The following CRISP2 variants were observed in gnomAD, a reference collection of about 807,000 sequenced individuals.
CRISP2 encodes the protein cysteine-rich secretory protein 2.
In CRISP2, 29 loss-of-function variants were observed where a neutral mutation model predicts 31.7. That is an observed-to-expected ratio of 0.92 (90% CI 0.68 to 1.25). The LOEUF (loss-of-function observed/expected upper bound fraction) is 1.25, where lower values mean the gene tolerates loss of function less well. Among genes scored for constraint, CRISP2 ranks in the 50% most tolerant of loss-of-function variants. CRISP2 has a pLI of 0.00. For synonymous variants in CRISP2, 111 were observed against 101.4 expected, an observed-to-expected ratio of 1.09 and a Z score of -0.57; for missense variants, 318 against 286.5, an observed-to-expected ratio of 1.11 and a Z score of -0.79.
At chr6:49,685,262 C>A in the CRISP2 span, among the ~76,000 whole-genome samples, 18 of 152,206 alleles carry the variant, frequency 1.2e-4, no homozygotes, top group African/African-American at 4.3e-4. Flanking sequence ...GACAGCATTT[C>A]CGCCCTTTGG....
chr6:49,697,591 C>G, intron 8 of CRISP2: 1 of 677,154 alleles, frequency 1.5e-6, no homozygotes, highest in Non-Finnish European at 2.3e-6. Context: ...CACATGCTCA[C>G]AGAGTAACCC....
At position 49,692,677 on chromosome 6, in the gene CRISP2, A is replaced by G; in HGVS notation, c.*96T>C. ...AAGATGCATTGCTCTTTGAAATCAAATTTGTCACTAACATACATACAATTT... is the reference window on the plus strand; with the variant it reads ...AAGATGCATTGCTCTTTGAAATCAAGTTTGTCACTAACATACATACAATTT... On this transcript the variant is annotated 3_prime_UTR_variant, in exon 10 of 10. Transcript: ENST00000339139. The G allele has an allele frequency of 6.5e-6, 8 of 1,229,920 alleles. No homozygotes were observed. The South Asian group carries it at 1.5e-4, about 24-fold the overall frequency. The allele number at this position is 1,229,920 out of a possible 1,614,324, so 76.2% of individuals were successfully genotyped here.
At chr6:49,702,136 GTAC>G (rs1281082394) in intron 4 of CRISP2, among the ~76,000 whole-genome samples, 4 of 346 alleles carry the variant, frequency 0.012, no homozygotes, top group African/African-American at 0.012. Context: ...ATATATATGT[GTAC>G]TATATATATA....
At chr6:49,677,799 C>A in the CRISP2 span, among the ~76,000 whole-genome samples, 1 of 151,934 alleles carries the variant, frequency 6.6e-6, no homozygotes, top group Non-Finnish European at 1.5e-5. Context: ...CTAGGGAAAG[C>A]CTGAAAGACA....
At chr6:49,709,636 C>T (rs75122057) in intron 3 of CRISP2, among the ~76,000 whole-genome samples, 8 of 152,210 alleles carry the variant, frequency 5.3e-5, no homozygotes, top group East Asian at 3.9e-4. Flanking sequence ...AAAAGTAAAA[C>T]GGTTTGTCCT....
intron 2 of CRISP2, 129 bp from the exon 3 acceptor site, chr6:49,711,450 G>A (rs1306868044): frequency 1.3e-5 from 2 of 152,152 alleles, no homozygotes; most frequent in Admixed American, 6.6e-5. Flanking sequence ...TTTCATACCA[G>A]TAACCTTAAA....
chr6:49,689,659 TA>T (rs569012143), downstream of CRISP2, among the ~76,000 whole-genome samples: 20 of 152,152 alleles, frequency 1.3e-4, no homozygotes, highest in Non-Finnish European at 2.5e-4. Context: ...TTTACATTTT[TA>T]GGAATAAGTT....
At chr6:49,702,705 T>C (rs899667211) in intron 4 of CRISP2, among the ~76,000 whole-genome samples, 1 of 152,142 alleles carries the variant, frequency 6.6e-6, no homozygotes, top group African/African-American at 2.4e-5. Flanking sequence ...TATTAGTCCT[T>C]AGTTGGATAA....
chr6:49,707,112 G>A (rs1039516796), intron 4 of CRISP2, among the ~76,000 whole-genome samples: 1 of 151,974 alleles, frequency 6.6e-6, no homozygotes, highest in Non-Finnish European at 1.5e-5. Context: ...AAATTGTACT[G>A]AAAAAGAGAT....
intron 9 of CRISP2, among the ~76,000 whole-genome samples, chr6:49,693,930 GGTCAC>G (rs1764316188): frequency 6.6e-6 from 1 of 151,988 alleles, no homozygotes; most frequent in Non-Finnish European, 1.5e-5. Flanking sequence ...TTCGAGGGCT[GGTCAC>G]TGGTACTTTA....
intron 4 of CRISP2, among the ~76,000 whole-genome samples, chr6:49,707,394 T>A (rs2127430480): frequency 6.6e-6 from 1 of 152,268 alleles, no homozygotes; most frequent in Admixed American, 6.5e-5. Flanking sequence ...CTAGGCATCT[T>A]GAAAACATCA....
chr6:49,677,838 G>A, the CRISP2 span, among the ~76,000 whole-genome samples: 3 of 152,104 alleles, frequency 2.0e-5, no homozygotes, highest in Non-Finnish European at 4.4e-5. Context: ...ACTTTATAAG[G>A]AAATAGGTAA....
At chr6:49,707,961 A>G (rs559494908) in intron 4 of CRISP2, among the ~76,000 whole-genome samples, 57 of 152,308 alleles carry the variant, frequency 3.7e-4, no homozygotes, top group Non-Finnish European at 2.5e-4. Flanking sequence ...TACTAACTCT[A>G]TTATCACTAC....
At chr6:49,703,943 T>C (rs954114592) in intron 4 of CRISP2, among the ~76,000 whole-genome samples, 2 of 152,184 alleles carry the variant, frequency 1.3e-5, no homozygotes, top group Non-Finnish European at 2.9e-5. Flanking sequence ...TTCCCTCAAA[T>C]AAGTTTTCCA....
At chr6:49,682,533 T>C in the CRISP2 span, among the ~76,000 whole-genome samples, 1 of 119,856 alleles carries the variant, frequency 8.3e-6, no homozygotes, top group African/African-American at 3.2e-5. Flanking sequence ...TCTCCTTCCT[T>C]CCCACCTCCC....
At chr6:49,679,425 A>G in the CRISP2 span, among the ~76,000 whole-genome samples, 1 of 152,164 alleles carries the variant, frequency 6.6e-6, no homozygotes, top group African/African-American at 2.4e-5. Flanking sequence ...TTAGAAAGCT[A>G]AGCAATGTGA....
At chr6:49,695,323 C>A (rs1764561914) in intron 9 of CRISP2, among the ~76,000 whole-genome samples, 1 of 151,938 alleles carries the variant, frequency 6.6e-6, no homozygotes, top group African/African-American at 2.4e-5. Flanking sequence ...AATTATAGGG[C>A]AAGTAATCAT....
intron 4 of CRISP2, among the ~76,000 whole-genome samples, chr6:49,701,838 TA>T (rs1156347255): frequency 2.2e-5 from 2 of 90,410 alleles, no homozygotes; most frequent in Non-Finnish European, 4.2e-5. Context: ...ACATTAATAA[TA>T]ATATATATTA....
Position 49,700,750 on chromosome 6 carries a change from A to T in CRISP2, c.101T>A (p.Leu34Ter). The change falls in exon 5 of 10, where the codon TTG (leucine) becomes TAG (stop). Residue 34 changes from leucine to a stop codon, truncating the protein, a stop_gained. Transcript: ENST00000339139. LOFTEE classifies it high-confidence loss of function. ...ATTTACAATCTCCCTTTGCACTTGC[A>T]ACTGGGTGGTTAACAAAGCAGTAAA... The part of the protein sequence containing the change: ...PAFTALLTTQ[L>*]QVQREIVNKH... The T allele has an allele frequency of 6.2e-7, 1 of 1,612,314 alleles. No homozygotes were observed.
Sources: gnomAD v4.1 joint callset for allele counts (sites outside exome capture counted in the v4.1 genomes callset) on GRCh38, gnomAD v4.1.1 for gene constraint, MANE v1.5 for transcripts, NCBI Gene and HGNC (gene_info 2026-07-23, HGNC 2026-07-21) for gene names.